Variants in TNFRSF21 observed in about 807,000 individuals in gnomAD.
TNFRSF21 encodes the protein tumor necrosis factor receptor superfamily member 21.
A neutral mutation model predicts 45.6 loss-of-function variants in TNFRSF21; 19 were observed. The ratio of observed to expected loss-of-function variants is 0.42; its 90% CI spans 0.29 to 0.61. The LOEUF is 0.61. Ranked by LOEUF, TNFRSF21 falls within the 20% of genes least tolerant of loss-of-function variation. TNFRSF21 has a pLI of 0.23. For synonymous variants in TNFRSF21, 314 were observed against 335.5 expected (o/e 0.94, Z 0.70); for missense variants, 737 against 851.5 (o/e 0.87, Z 1.67).
chr6:47,271,579 G>A (rs541769342), intron 3 of TNFRSF21, among the ~76,000 whole-genome samples: 10 of 152,214 alleles, frequency 6.6e-5, no homozygotes, highest in African/African-American at 2.2e-4. Flanking sequence ...TGTGAAGACT[G>A]TCGATGCTAT....
At chr6:47,292,067 A>T (rs1762736397) in intron 1 of TNFRSF21, among the ~76,000 whole-genome samples, 1 of 152,180 alleles carries the variant, frequency 6.6e-6, no homozygotes, top group South Asian at 2.1e-4. Flanking sequence ...ATTCCCAGTG[A>T]TGATCTGGGA....
rs138620083 is a variant in TNFRSF21, at chr6:47,271,734, G to A, written c.1243+12204C>T. Among the ~76,000 whole-genome samples the A allele has an allele frequency of 5.6e-3, 845 of 152,210 alleles. 7 individuals are homozygous for A. The highest frequency in any genetic ancestry group is 0.019 in the African/African-American group (773 of 41,522). Reference sequence around the variant, plus strand: ...CACAGACTGGCAAATTGGATAAAGAGTCAAGACCCATTGTTGTGCTGTATT... The same window carrying A: ...CACAGACTGGCAAATTGGATAAAGAATCAAGACCCATTGTTGTGCTGTATT... On this transcript the variant is annotated intron_variant, in intron 3 of 5. Coordinates refer to ENST00000296861, the MANE Select transcript of TNFRSF21 (RefSeq NM_014452.5).
intron 3 of TNFRSF21, among the ~76,000 whole-genome samples, chr6:47,275,903 T>C (rs1414927884): frequency 4.6e-5 from 7 of 152,150 alleles, no homozygotes; most frequent in Non-Finnish European, 8.8e-5. Flanking sequence ...TTCTCCACCC[T>C]ACAGCACATT....
intron 1 of TNFRSF21, among the ~76,000 whole-genome samples, chr6:47,288,691 T>C (rs1273449054): frequency 1.3e-5 from 2 of 152,214 alleles, no homozygotes; most frequent in Admixed American, 6.5e-5. Context: ...CAGGAAGGCA[T>C]GCATTCAAGC....
chr6:47,277,424 C>T (rs770540109), intron 3 of TNFRSF21, among the ~76,000 whole-genome samples: 1 of 152,174 alleles, frequency 6.6e-6, no homozygotes, highest in African/African-American at 2.4e-5. Flanking sequence ...GATGATGATC[C>T]ATCCTCTGCA....
chr6:47,265,497 G>C (rs1297026423), intron 3 of TNFRSF21, among the ~76,000 whole-genome samples: 3 of 152,158 alleles, frequency 2.0e-5, no homozygotes, highest in Non-Finnish European at 4.4e-5. Context: ...TCTAGCATCA[G>C]ATCAGTGCCT....
At chr6:47,240,658 C>T (rs1764730965) in intron 4 of TNFRSF21, among the ~76,000 whole-genome samples, 1 of 152,176 alleles carries the variant, frequency 6.6e-6, no homozygotes, top group South Asian at 2.1e-4. Context: ...GATCACATGA[C>T]CACAGGGCAT....
intron 1 of TNFRSF21, among the ~76,000 whole-genome samples, chr6:47,299,294 C>T (rs891083404): frequency 6.6e-6 from 1 of 151,930 alleles, no homozygotes; most frequent in African/African-American, 2.4e-5. Flanking sequence ...AGTTTGAGAC[C>T]AGCCAACATG....
At chr6:47,239,111 C>A (rs1266938972) in intron 4 of TNFRSF21, among the ~76,000 whole-genome samples, 1 of 151,988 alleles carries the variant, frequency 6.6e-6, no homozygotes, top group Middle Eastern at 3.2e-3. Context: ...CATAGCGAAA[C>A]CCTGTCTCTA....
intron 3 of TNFRSF21, among the ~76,000 whole-genome samples, chr6:47,260,350 C>A (rs1458600487): frequency 1.3e-5 from 2 of 152,204 alleles, no homozygotes; most frequent in African/African-American, 4.8e-5. Flanking sequence ...TCAATGGGTT[C>A]TTCCAAGTGA....
rs777990557 is a variant in TNFRSF21, at chr6:47,253,481, G to T, written c.1284C>A (p.Ser428Arg). 1.7e-5 allele frequency: 27 copies of T among 1,613,354 alleles called. No individual in the cohort carries two copies. The highest frequency in any genetic ancestry group is 4.2e-6 in the Non-Finnish European group (5 of 1,180,034). The change falls in exon 4 of 6, where the codon AGC (serine) becomes AGA (arginine). Residue 428 changes from serine to arginine, a missense_variant. Coordinates refer to ENST00000296861, the MANE Select transcript of TNFRSF21 (RefSeq NM_014452.5). The stretch of plus-strand genomic sequence containing the variant: ...GAAACTGATAGATATCTTTCCACTG[G>T]CTTCCCACTTGGGCTGCTACAAGCT... ...ILKLVAAQVG[S>R]QWKDIYQFLC...
Position 47,250,827 on chromosome 6 carries a change from A to G in TNFRSF21, c.1509+2429T>C, listed in dbSNP as rs115994845. On this transcript the variant is annotated intron_variant, in intron 4 of 5. Transcript: ENST00000296861. Reference sequence around the variant, plus strand: ...GAGAGTAACATACTGTGCAATTACCACTTGAGCATCCCTAATCCAAAAATT... The same window carrying G: ...GAGAGTAACATACTGTGCAATTACCGCTTGAGCATCCCTAATCCAAAAATT... Among the ~76,000 whole-genome samples the G allele has an allele frequency of 2.0e-3, 311 of 152,352 alleles. 2 individuals are homozygous for G. Among genetic ancestry groups the G allele is most frequent in the African/African-American group, 7.1e-3 (294 of 41,584 alleles).
chr6:47,267,262 C>A (rs552905752), intron 3 of TNFRSF21, among the ~76,000 whole-genome samples: 1 of 151,966 alleles, frequency 6.6e-6, no homozygotes, highest in East Asian at 1.9e-4. Flanking sequence ...CTACGCCCAG[C>A]TAATTTTTGT....
chr6:47,259,482 C>A (rs1053433982), intron 3 of TNFRSF21, among the ~76,000 whole-genome samples: 1 of 151,992 alleles, frequency 6.6e-6, no homozygotes, highest in Non-Finnish European at 1.5e-5. Context: ...TCAAGAGATT[C>A]TCCGGCCTCA....
intron 1 of TNFRSF21, among the ~76,000 whole-genome samples, chr6:47,308,814 G>A (rs1008467580): frequency 6.6e-6 from 1 of 152,214 alleles, no homozygotes; most frequent in African/African-American, 2.4e-5. Context: ...GACCCCACCC[G>A]AGCCAAGAGG....
At chr6:47,285,084 A>C (rs1223595820) in intron 2 of TNFRSF21, among the ~76,000 whole-genome samples, 1 of 152,188 alleles carries the variant, frequency 6.6e-6, no homozygotes, top group Non-Finnish European at 1.5e-5. Context: ...GCCTAAGCAA[A>C]GCTAGAGTGG....
At chr6:47,257,376 T>G (rs1765003268) in intron 3 of TNFRSF21, among the ~76,000 whole-genome samples, 1 of 152,242 alleles carries the variant, frequency 6.6e-6, no homozygotes, top group Non-Finnish European at 1.5e-5. Context: ...GTCAACTCCA[T>G]GAACTGGCTG....
At chr6:47,285,882 T>C in intron 2 of TNFRSF21, 62 bp downstream of exon 2, 1 of 1,556,808 alleles carries the variant, frequency 6.4e-7, no homozygotes. Context: ...ATAAGCCCAC[T>C]CTTGGTACCT....
intron 3 of TNFRSF21, among the ~76,000 whole-genome samples, chr6:47,269,628 C>G (rs1478778999): frequency 1.3e-5 from 2 of 152,202 alleles, no homozygotes; most frequent in Admixed American, 6.5e-5. Flanking sequence ...CATTTAGCTT[C>G]TCTTTAGGCA....
Sources: gnomAD v4.1 joint callset for allele counts (sites outside exome capture counted in the v4.1 genomes callset) on GRCh38, gnomAD v4.1.1 for gene constraint, MANE v1.5 for transcripts, NCBI Gene and HGNC (gene_info 2026-07-23, HGNC 2026-07-21) for gene names.